Variants in BTRC observed in about 807,000 individuals in gnomAD.
BTRC encodes the protein F-box/WD repeat-containing protein 1A.
Under a neutral mutation model 85.5 loss-of-function variants are expected in BTRC, and 42 were observed. The ratio of observed to expected loss-of-function variants is 0.49; its 90% CI spans 0.38 to 0.64. BTRC has a LOEUF of 0.64. BTRC is among the 30% of genes least tolerant of loss of function. BTRC has a pLI of 0.00. For synonymous variants in BTRC, 255 were observed against 263.3 expected, an observed-to-expected ratio of 0.97 and a Z score of 0.30; for missense variants, 594 against 743.5, an observed-to-expected ratio of 0.80 and a Z score of 2.34.
chr10:101,402,759 A>G (rs1440849017), intron 1 of BTRC, among the ~76,000 whole-genome samples: 1 of 152,170 alleles, frequency 6.6e-6, no homozygotes, highest in African/African-American at 2.4e-5. Flanking sequence ...CTGTTCCACA[A>G]CCTGATATGT....
chr10:101,518,943 T>A (rs567600834), intron 4 of BTRC, among the ~76,000 whole-genome samples: 1 of 152,202 alleles, frequency 6.6e-6, no homozygotes, highest in Non-Finnish European at 1.5e-5. Context: ...TGTGTGTAGT[T>A]CTGAGGGTCA....
intron 8 of BTRC, 139 bp from the exon 9 acceptor site, chr10:101,532,808 GCGCTT>G: frequency 1.5e-6 from 1 of 670,130 alleles, no homozygotes; most frequent in Non-Finnish European, 2.6e-6. Flanking sequence ...GCGCGCGCGC[GCGCTT>G]AGCTATACCT....
At chr10:101,549,267 CAA>C (rs754113516) in intron 13 of BTRC, among the ~76,000 whole-genome samples, 8 of 43,068 alleles carry the variant, frequency 1.9e-4, no homozygotes, top group Admixed American at 4.4e-4. Context: ...CTAATCTCTA[CAA>C]AAAAAAAAAA....
chr10:101,443,711 T>G (rs1944751297), intron 2 of BTRC, among the ~76,000 whole-genome samples: 1 of 152,212 alleles, frequency 6.6e-6, no homozygotes, highest in Non-Finnish European at 1.5e-5. Flanking sequence ...TACTTAGATT[T>G]CTTGTATGAA....
At chr10:101,384,246 A>G (rs1331836342) in intron 1 of BTRC, among the ~76,000 whole-genome samples, 1 of 152,238 alleles carries the variant, frequency 6.6e-6, no homozygotes, top group African/African-American at 2.4e-5. Context: ...GAAGTTGGCC[A>G]TCAGCCCTCC....
intron 2 of BTRC, among the ~76,000 whole-genome samples, chr10:101,448,548 T>G (rs985216107): frequency 6.6e-6 from 1 of 152,078 alleles, no homozygotes; most frequent in African/African-American, 2.4e-5. Context: ...AAATTTTAAA[T>G]CCTTAAGCCA....
chr10:101,419,482 T>C (rs1944039239), intron 1 of BTRC, among the ~76,000 whole-genome samples: 1 of 152,146 alleles, frequency 6.6e-6, no homozygotes. Flanking sequence ...TTGGTGGTGG[T>C]GGAATTCTTT....
intron 9 of BTRC, 85 bp downstream of exon 9, chr10:101,533,155 G>A (rs905150816): frequency 4.9e-5 from 47 of 951,382 alleles, no homozygotes; most frequent in South Asian, 1.2e-4. Context: ...TGTATATATC[G>A]GCACAGTTCT....
At chr10:101,370,374 A>G (rs575627965) in intron 1 of BTRC, among the ~76,000 whole-genome samples, 65 of 151,362 alleles carry the variant, frequency 4.3e-4, no homozygotes, top group Non-Finnish European at 7.2e-4. Context: ...TCGGCCTCCC[A>G]AAGTGCTGGT....
At chr10:101,502,787 T>TA (rs890200513) in intron 4 of BTRC, among the ~76,000 whole-genome samples, 3 of 152,208 alleles carry the variant, frequency 2.0e-5, no homozygotes, top group African/African-American at 4.8e-5. Flanking sequence ...GTTATATAGA[T>TA]ACTGAAAACT....
Position 101,505,785 on chromosome 10 carries a change from G to A in BTRC, c.325-15854G>A, listed in dbSNP as rs539211839. On this transcript the variant is annotated intron_variant, in intron 4 of 14. Coordinates refer to ENST00000370187, the MANE Select transcript of BTRC (RefSeq NM_033637.4). ...GTGTCTACTGTAAATGCTATTTTTA[G>A]AAAATGAATTAAACATTCTTTGCTT... Among the ~76,000 whole-genome samples, 118 of 151,948 alleles carry A rather than the reference G, an allele frequency of 7.8e-4. 2 individuals carry two copies. The South Asian group carries it at 0.024, about 31-fold the overall frequency.
intron 1 of BTRC, among the ~76,000 whole-genome samples, chr10:101,421,311 T>C (rs1944093973): frequency 6.6e-6 from 1 of 152,144 alleles, no homozygotes; most frequent in Non-Finnish European, 1.5e-5. Context: ...TGGCTTCCCA[T>C]TTCTTAATGA....
chr10:101,531,815 G>T (rs1380601172), intron 7 of BTRC, among the ~76,000 whole-genome samples: 4 of 152,170 alleles, frequency 2.6e-5, no homozygotes, highest in African/African-American at 9.7e-5. Context: ...TTAAAAAATG[G>T]TTTACTAATA....
rs563575210 is a variant in BTRC at position 101,362,218 on chromosome 10, A to G, written c.48+7990A>G. On this transcript the variant is annotated intron_variant, in intron 1 of 14. Coordinates refer to ENST00000370187, the MANE Select transcript of BTRC (RefSeq NM_033637.4). ...GTGATTCGCCCGCCTTGGCCTCCCA[A>G]AGTGCTGGGATTACAGCTGTGAGCC... Among the ~76,000 whole-genome samples, 5 of 151,970 alleles carry G rather than the reference A, an allele frequency of 3.3e-5. No individual in the cohort carries two copies. The South Asian group carries it at 8.3e-4, about 25-fold the overall frequency.
At chr10:101,418,448 G>T (rs58119949) in intron 1 of BTRC, among the ~76,000 whole-genome samples, 1 of 151,732 alleles carries the variant, frequency 6.6e-6, no homozygotes, top group African/African-American at 2.4e-5. Flanking sequence ...TTTAAATGGC[G>T]AATAGTTATT....
chr10:101,392,038 G>A (rs1943248165), intron 1 of BTRC, among the ~76,000 whole-genome samples: 2 of 152,060 alleles, frequency 1.3e-5, no homozygotes, highest in Non-Finnish European at 2.9e-5. Context: ...GGAGTGCAGT[G>A]CCGCTATCTC....
intron 1 of BTRC, among the ~76,000 whole-genome samples, chr10:101,358,672 TCTC>T (rs1222145160): frequency 2.6e-5 from 4 of 152,154 alleles, no homozygotes; most frequent in Non-Finnish European, 4.4e-5. Flanking sequence ...GACCTTCACT[TCTC>T]CTCTATATGG....
At chr10:101,410,446 C>A (rs12412220) in intron 1 of BTRC, among the ~76,000 whole-genome samples, 41,379 of 151,924 alleles carry the variant, frequency 0.27, 6,755 homozygotes, top group South Asian at 0.4. Flanking sequence ...GAAACCCCGT[C>A]TCTACTAAAA....
chr10:101,420,442 C>T (rs1389470378), intron 1 of BTRC, among the ~76,000 whole-genome samples: 1 of 151,990 alleles, frequency 6.6e-6, no homozygotes. Flanking sequence ...CACTGCTGGA[C>T]CACTGCCTCT....
Sources: allele counts gnomAD v4.1 joint callset (sites outside exome capture counted in the v4.1 genomes callset), GRCh38; gene constraint gnomAD v4.1.1; transcripts MANE v1.5; gene names NCBI Gene and HGNC (gene_info 2026-07-23, HGNC 2026-07-21).